The following VTI1A variants were observed in gnomAD, a reference collection of about 807,000 sequenced individuals.
VTI1A encodes the protein vesicle transport through interaction with t-SNAREs homolog 1A.
VTI1A carries 22 observed loss-of-function variants against 34.9 expected under a neutral mutation model. The observed-to-expected ratio is 0.63, with a 90% CI of 0.45 to 0.90. The LOEUF is 0.90. Ranked by LOEUF, VTI1A falls within the 40% of genes least tolerant of loss-of-function variation. VTI1A has a pLI of 0.00. For missense variants in VTI1A, 268 were observed against 275.6 expected, an observed-to-expected ratio of 0.97 and a Z score of 0.20; for synonymous variants, 87 against 97.3, an observed-to-expected ratio of 0.89 and a Z score of 0.62.
intron 1 of VTI1A, among the ~76,000 whole-genome samples, chr10:112,451,429 C>T (rs144816058): frequency 6.6e-6 from 1 of 152,338 alleles, no homozygotes; most frequent in Non-Finnish European, 1.5e-5. Context: ...GTTAATTGAA[C>T]TCTTAAATCT....
chr10:112,450,400 C>T (rs1212245031), intron 1 of VTI1A: 4 of 152,210 alleles, frequency 2.6e-5, no homozygotes, highest in Non-Finnish European at 5.9e-5. Context: ...TATAATCTCT[C>T]TCTCTGGCCA....
chr10:112,849,333 G>T, the VTI1A span, among the ~76,000 whole-genome samples: 1 of 152,200 alleles, frequency 6.6e-6, no homozygotes, highest in Admixed American at 6.5e-5. Context: ...CATTCATCCC[G>T]CAGTGGGGCT....
At chr10:112,828,563 G>A in the VTI1A span, among the ~76,000 whole-genome samples, 5 of 151,706 alleles carry the variant, frequency 3.3e-5, no homozygotes, top group South Asian at 4.2e-4. Flanking sequence ...CCGCCACCAC[G>A]CCCGGCTAAT....
At chr10:112,571,472 A>G (rs1387996624) in intron 5 of VTI1A, among the ~76,000 whole-genome samples, 2 of 152,226 alleles carry the variant, frequency 1.3e-5, no homozygotes, top group Non-Finnish European at 2.9e-5. Flanking sequence ...ACTTTTGTTA[A>G]AAAGTCAAAA....
chr10:112,528,869 CT>C (rs1262288155), intron 4 of VTI1A, among the ~76,000 whole-genome samples: 3 of 151,774 alleles, frequency 2.0e-5, no homozygotes, highest in Non-Finnish European at 2.9e-5. Context: ...ATAGGGATCC[CT>C]TTTTTTTCAA....
chr10:112,785,101 C>A (rs1852245800), intron 7 of VTI1A, among the ~76,000 whole-genome samples: 1 of 152,206 alleles, frequency 6.6e-6, no homozygotes, highest in Admixed American at 6.5e-5. Context: ...GACCTCCATG[C>A]CCCTGAATAT....
Position 112,651,380 on chromosome 10 carries a change from C to T in VTI1A, c.428-16838C>T, listed in dbSNP as rs140680401. 1.0e-3 allele frequency among the ~76,000 whole-genome samples: 153 copies of T among 152,204 alleles called. 1 individual carries two copies. Among genetic ancestry groups the T allele is most frequent in the African/African-American group, 3.6e-3 (149 of 41,528 alleles). On this transcript the variant is annotated intron_variant, in intron 5 of 7. Transcript: ENST00000393077. Reference sequence around the variant, plus strand: ...GGCTGGAGTGCAGTGGTGCGATCTCCGCTTACCACAACCTCCACCTCCCAG... The same window carrying T: ...GGCTGGAGTGCAGTGGTGCGATCTCTGCTTACCACAACCTCCACCTCCCAG...
At chr10:112,850,128 C>A in the VTI1A span, among the ~76,000 whole-genome samples, 5 of 152,124 alleles carry the variant, frequency 3.3e-5, no homozygotes, top group Admixed American at 3.3e-4. Context: ...TAATACCTTG[C>A]ACATCTGATC....
At chr10:112,828,319 C>T in the VTI1A span, among the ~76,000 whole-genome samples, 1 of 151,982 alleles carries the variant, frequency 6.6e-6, no homozygotes, top group Non-Finnish European at 1.5e-5. Context: ...AGTTAGCGCA[C>T]GGTATGTGGA....
intron 7 of VTI1A, among the ~76,000 whole-genome samples, chr10:112,710,693 T>C (rs572967160): frequency 5.3e-5 from 8 of 152,190 alleles, no homozygotes; most frequent in South Asian, 4.1e-4. Context: ...CCTGCTTTTT[T>C]TCCCGGGTCA....
chr10:112,527,269 T>G, intron 4 of VTI1A, 105 bp downstream of exon 4: 1 of 898,114 alleles, frequency 1.1e-6, no homozygotes, highest in Non-Finnish European at 1.8e-6. Context: ...CAGCAACTCA[T>G]GTGGAAGCGA....
At position 112,687,218 on chromosome 10, in the gene VTI1A, A is replaced by ATTTTTT. The variant is rs1564883856; in HGVS notation, c.560+18220_560+18221insTTTTTT. On this transcript the variant is annotated intron_variant, in intron 7 of 7. Transcript: ENST00000393077. ...ACAAAACAGGCCTAGGCATACTACAACTTTTTTTTTTTTTTTTTTTTTTTT... is the reference window on the plus strand; with the variant it reads ...ACAAAACAGGCCTAGGCATACTACAATTTTTTCTTTTTTTTTTTTTTTTTTTTTTTT... Among the ~76,000 whole-genome samples, 21 of 124,232 alleles carry ATTTTTT rather than the reference A, an allele frequency of 1.7e-4. 1 individual carries two copies. The highest frequency in any genetic ancestry group is 6.3e-4 in the African/African-American group (20 of 31,998). 81.5% of individuals were successfully genotyped at this position (124,232 alleles called of 152,430 possible).
intron 7 of VTI1A, among the ~76,000 whole-genome samples, chr10:112,699,747 G>C (rs1848926492): frequency 6.6e-6 from 1 of 151,646 alleles, no homozygotes; most frequent in Non-Finnish European, 1.5e-5. Context: ...AGAATCGCTT[G>C]AACCCAGGAG....
intron 5 of VTI1A, among the ~76,000 whole-genome samples, chr10:112,618,524 T>TATATATATATATAGAGAGAGAGAGAG (rs748276058): frequency 1.2e-4 from 4 of 34,584 alleles, no homozygotes; most frequent in African/African-American, 1.6e-4. Context: ...TATATATATA[T>TATATATATATATAGAGAGAGAGAGAG]AGAGAGAGAG....
rs190184185 is a variant in VTI1A, at chr10:112,642,364, C to G, written c.428-25854C>G. Among the ~76,000 whole-genome samples, 17 of 152,304 alleles carry G rather than the reference C, an allele frequency of 1.1e-4. No individual in the cohort carries two copies. The East Asian group carries it at 3.3e-3, about 29-fold the overall frequency. ...TGAGTTGTATTCCTCTGATCCCCCC[C>G]TCTCCATCAGTTCTATGGGTTATCA... is the stretch of plus-strand genomic sequence containing the variant. On this transcript the variant is annotated intron_variant, in intron 5 of 7. Coordinates refer to ENST00000393077, the MANE Select transcript of VTI1A (RefSeq NM_145206.4).
chr10:112,502,170 G>A (rs2134157008), intron 3 of VTI1A, among the ~76,000 whole-genome samples: 1 of 151,742 alleles, frequency 6.6e-6, no homozygotes, highest in Middle Eastern at 3.4e-3. Flanking sequence ...TGGGACCACA[G>A]GTGCATGCCA....
At chr10:112,759,551 C>G (rs902828671) in intron 7 of VTI1A, among the ~76,000 whole-genome samples, 1 of 152,226 alleles carries the variant, frequency 6.6e-6, no homozygotes, top group African/African-American at 2.4e-5. Context: ...ACACAACGGA[C>G]ACAGTTCAAT....
At chr10:112,583,403 C>T (rs763458681) in intron 5 of VTI1A, among the ~76,000 whole-genome samples, 3 of 152,208 alleles carry the variant, frequency 2.0e-5, no homozygotes, top group South Asian at 2.1e-4. Context: ...ATCAGGAATG[C>T]GGTTGCATTC....
chr10:112,671,879 C>T (rs1242549472), intron 7 of VTI1A: 2 of 152,054 alleles, frequency 1.3e-5, no homozygotes, highest in Non-Finnish European at 2.9e-5. Context: ...CCTTTCTTCT[C>T]TTCTTTCTTC....
Sources: allele counts gnomAD v4.1 joint callset (sites outside exome capture counted in the v4.1 genomes callset), GRCh38; gene constraint gnomAD v4.1.1; transcripts MANE v1.5; gene names NCBI Gene and HGNC (gene_info 2026-07-23, HGNC 2026-07-21).